The following ADGRV1 variants were observed in gnomAD, a reference collection of about 807,000 sequenced individuals.
ADGRV1 encodes the protein G-protein coupled receptor 98.
Under a neutral mutation model 596.2 loss-of-function variants are expected in ADGRV1, and 359 were observed. That is an observed-to-expected ratio of 0.60 (90% CI 0.55 to 0.66). The LOEUF (loss-of-function observed/expected upper bound fraction) is 0.66, where lower values mean the gene tolerates loss of function less well. ADGRV1 is among the 30% of genes least tolerant of loss of function. The probability of loss-of-function intolerance (pLI) is 0.00; values close to 1 mark genes in which losing one functional copy is unlikely to be tolerated. For synonymous variants in ADGRV1, 2,681 were observed against 2,679.2 expected, an observed-to-expected ratio of 1.00 and a Z score of -0.02; for missense variants, 7,274 against 7,575.6, an observed-to-expected ratio of 0.96 and a Z score of 1.48.
At chr5:90,747,799 C>A (rs2438371) in intron 52 of ADGRV1, among the ~76,000 whole-genome samples, 58,105 of 152,046 alleles carry the variant, frequency 0.38, 12,182 homozygotes, top group Admixed American at 0.54. Context: ...CCTGAAATTC[C>A]AGTTCCCAGA....
chr5:91,078,166 G>T (rs1167978989), intron 86 of ADGRV1, among the ~76,000 whole-genome samples: 1 of 152,012 alleles, frequency 6.6e-6, no homozygotes, highest in Non-Finnish European at 1.5e-5. Flanking sequence ...TTCAACCTTA[G>T]AGTGAACAAC....
intron 80 of ADGRV1, 82 bp downstream of exon 80, chr5:90,853,615 TCA>T: frequency 1.4e-6 from 2 of 1,383,740 alleles, no homozygotes; most frequent in Non-Finnish European, 2.0e-6. Flanking sequence ...ATTTGTTTGA[TCA>T]CAGTTTTGGT....
chr5:90,658,748 A>G (rs1469202672), intron 21 of ADGRV1, among the ~76,000 whole-genome samples: 1 of 151,436 alleles, frequency 6.6e-6, no homozygotes, highest in Non-Finnish European at 1.5e-5. Context: ...GGGTGTAAAT[A>G]CCTTTCTTAT....
chr5:90,775,995 T>G (rs562926482), intron 60 of ADGRV1, among the ~76,000 whole-genome samples: 112 of 152,318 alleles, frequency 7.4e-4, no homozygotes, highest in African/African-American at 2.6e-3. Flanking sequence ...AATAGAAATA[T>G]TTGACACAGG....
chr5:90,651,564 C>T, intron 17 of ADGRV1, 40 bp from the exon 18 acceptor site: 1 of 1,380,648 alleles, frequency 7.2e-7, no homozygotes, highest in Non-Finnish European at 9.8e-7. Flanking sequence ...AGCAAGTTAG[C>T]TACTTCTTTG....
chr5:90,790,990 G>A lies in ADGRV1; in HGVS notation c.14161G>A (p.Asp4721Asn). 6.2e-7 allele frequency: 1 copy of A among 1,613,826 alleles called. No individual in the cohort carries two copies. Among genetic ancestry groups the A allele is most frequent in the Non-Finnish European group, 8.5e-7 (1 of 1,179,832 alleles). The part of the protein sequence containing the change: ...EASFDVHLLP[D>N]EVPEIEEDYV... ...TAGCTTTGATGTTCATTTGCTACCAGATGAGGTACCTGAGATAGAGGAAGA... is the reference window on the plus strand; with the variant it reads ...TAGCTTTGATGTTCATTTGCTACCAAATGAGGTACCTGAGATAGAGGAAGA... Residue 4721 changes from aspartate (D) to asparagine (N), a missense_variant, in exon 70 of 90, where the codon GAT (aspartate) becomes AAT (asparagine). Physicochemically the swap from Asp to Asn is conservative, Grantham distance 23. Around this residue, in one of 5 missense-constraint regions of ADGRV1, gnomAD observed 1,874 missense variants for 1,970.2 expected, o/e 0.95. Coordinates refer to ENST00000405460, the MANE Select transcript of ADGRV1 (RefSeq NM_032119.4).
intron 76 of ADGRV1, among the ~76,000 whole-genome samples, chr5:90,824,673 A>G (rs113998599): frequency 2.6e-4 from 39 of 152,344 alleles, no homozygotes; most frequent in African/African-American, 7.7e-4. Context: ...CACGTCCTCA[A>G]TAGGCTCTTG....
At chr5:91,088,901 A>G (rs891917936) in intron 86 of ADGRV1, among the ~76,000 whole-genome samples, 1 of 152,308 alleles carries the variant, frequency 6.6e-6, no homozygotes, top group Admixed American at 6.5e-5. Context: ...GATCACTAAT[A>G]TACAAGTATT....
chr5:90,577,467 T>C (rs1315930649), intron 1 of ADGRV1, among the ~76,000 whole-genome samples: 1 of 152,212 alleles, frequency 6.6e-6, no homozygotes, highest in African/African-American at 2.4e-5. Context: ...TTCTGTGCCA[T>C]TGATCTATGT....
intron 85 of ADGRV1, among the ~76,000 whole-genome samples, chr5:91,055,935 C>T (rs181141765): frequency 3.5e-4 from 53 of 152,268 alleles, no homozygotes; most frequent in African/African-American, 1.1e-3. Flanking sequence ...TTTGTTTATT[C>T]CTGTAGTGTA....
intron 50 of ADGRV1, among the ~76,000 whole-genome samples, chr5:90,730,571 CAT>C (rs1369378673): frequency 6.6e-6 from 1 of 152,130 alleles, no homozygotes; most frequent in East Asian, 1.9e-4. Flanking sequence ...ACATCAGAAA[CAT>C]AAGCAATATT....
intron 56 of ADGRV1, 75 bp downstream of exon 56, chr5:90,756,705 G>A: frequency 8.3e-7 from 1 of 1,211,072 alleles, no homozygotes; most frequent in South Asian, 1.5e-5. Context: ...TTTATGTTTA[G>A]CTTTGCCTGT....
At chr5:90,804,404 GA>G (rs201656506) in intron 71 of ADGRV1, among the ~76,000 whole-genome samples, 6 of 145,240 alleles carry the variant, frequency 4.1e-5, no homozygotes, top group Admixed American at 6.9e-5. Flanking sequence ...TCTGTCTCAA[GA>G]AAAAAAAAAG....
intron 87 of ADGRV1, among the ~76,000 whole-genome samples, chr5:91,103,287 T>C (rs1011347428): frequency 6.6e-6 from 1 of 152,082 alleles, no homozygotes; most frequent in Non-Finnish European, 1.5e-5. Context: ...TTGCTACAAG[T>C]TTCTATATAG....
At chr5:90,573,206 A>T (rs990399514) in intron 1 of ADGRV1, among the ~76,000 whole-genome samples, 3 of 152,150 alleles carry the variant, frequency 2.0e-5, no homozygotes, top group African/African-American at 7.2e-5. Flanking sequence ...GCTCTCCAGG[A>T]TATTGCTAAA....
At chr5:90,722,919 A>T (rs1366178441) in intron 45 of ADGRV1, among the ~76,000 whole-genome samples, 1 of 151,930 alleles carries the variant, frequency 6.6e-6, no homozygotes, top group Non-Finnish European at 1.5e-5. Flanking sequence ...GGCTGAGGAT[A>T]TGGGATGATG....
intron 31 of ADGRV1, among the ~76,000 whole-genome samples, chr5:90,691,720 C>T (rs1489457726): frequency 2.0e-5 from 3 of 152,042 alleles, no homozygotes; most frequent in African/African-American, 7.2e-5. Flanking sequence ...ATTTATACTC[C>T]CTTTTGGCTT....
intron 83 of ADGRV1, among the ~76,000 whole-genome samples, chr5:90,958,301 AAAG>A (rs576078632): frequency 0.088 from 11,839 of 134,182 alleles, 650 homozygotes; most frequent in Non-Finnish European, 0.13. Flanking sequence ...AAAAAAAAAA[AAAG>A]AAAAGAAAAG....
chr5:91,031,319 C>T, intron 85 of ADGRV1: 1 of 1,377,216 alleles, frequency 7.3e-7, no homozygotes. Context: ...TGCTGCTGCA[C>T]TTGCTAACAG....
Sources: allele counts gnomAD v4.1 joint callset (sites outside exome capture counted in the v4.1 genomes callset), GRCh38; gene constraint gnomAD v4.1.1; regional missense constraint gnomAD v4.1.1; transcripts MANE v1.5; gene names NCBI Gene and HGNC (gene_info 2026-07-23, HGNC 2026-07-21).